The following NEMF variants were observed in gnomAD, a reference collection of about 807,000 sequenced individuals.
The protein encoded by NEMF is nuclear export mediator factor.
Under a neutral mutation model 162.2 loss-of-function variants are expected in NEMF, and 89 were observed. The ratio of observed to expected loss-of-function variants is 0.55; its 90% CI spans 0.46 to 0.65. The LOEUF is 0.65. Ranked by LOEUF, NEMF falls within the 30% of genes least tolerant of loss-of-function variation. NEMF has a pLI of 0.00. For synonymous variants in NEMF, 421 were observed against 404.5 expected, an observed-to-expected ratio of 1.04 and a Z score of -0.49; for missense variants, 1,133 against 1,261.9, an observed-to-expected ratio of 0.90 and a Z score of 1.55.
intron 16 of NEMF, 143 bp downstream of exon 16, chr14:49,825,724 C>G: frequency 1.7e-6 from 1 of 588,778 alleles, no homozygotes; most frequent in Middle Eastern, 3.3e-4. Context: ...TGACAGAGAA[C>G]CTGTCTCAAA....
chr14:49,791,074 G>T (rs1037445429), intron 26 of NEMF, among the ~76,000 whole-genome samples: 1 of 150,912 alleles, frequency 6.6e-6, no homozygotes, highest in Non-Finnish European at 1.5e-5. Flanking sequence ...AGTGGCTCAC[G>T]CCTGTAATCC....
intron 16 of NEMF, among the ~76,000 whole-genome samples, chr14:49,825,584 A>G (rs546600503): frequency 2.4e-4 from 36 of 152,246 alleles, no homozygotes; most frequent in South Asian, 1.9e-3. Flanking sequence ...AAAAATTAAA[A>G]AATTAGCTGG....
rs1889994959 is a variant in NEMF, at chr14:49,783,206, TC to T, written c.*1429del. ...ACCCTGAAGAATGGTTGCTACATTT[TC>T]TTTTCAGTAACTTCAGGATATGTAT... On this transcript the variant is annotated 3_prime_UTR_variant, in exon 33 of 33. Coordinates refer to ENST00000298310, the MANE Select transcript of NEMF (RefSeq NM_004713.6). The T allele has an allele frequency of 9.8e-6, 3 of 306,474 alleles. No homozygotes were observed. The South Asian group carries it at 3.0e-4, about 31-fold the overall frequency. The allele number at this position is 306,474 out of a possible 1,614,324, so 19.0% of individuals were successfully genotyped here.
chr14:49,802,452 C>A lies in NEMF; in HGVS notation c.2095+1G>T. The stretch of plus-strand genomic sequence containing the variant: ...CTAATTTCTTAAAATCTATAAACTA[C>A]CTAATTGTTCCATTTCTTCTGATAT... On this transcript the variant is annotated splice_donor_variant, in intron 22 of 32. Coordinates refer to ENST00000298310, the MANE Select transcript of NEMF (RefSeq NM_004713.6). LOFTEE classifies it high-confidence loss of function. 6.2e-7 allele frequency: 1 copy of A among 1,612,504 alleles called. No homozygotes were observed. The highest frequency in any genetic ancestry group is 8.5e-7 in the Non-Finnish European group (1 of 1,179,416).
intron 4 of NEMF, among the ~76,000 whole-genome samples, chr14:49,844,587 C>G (rs904073640): frequency 6.6e-6 from 1 of 152,112 alleles, no homozygotes; most frequent in Admixed American, 6.6e-5. Flanking sequence ...TTACTGCATA[C>G]TACTGTAGAC....
At chr14:49,848,385 T>C (rs118050805) in intron 3 of NEMF, among the ~76,000 whole-genome samples, 1,820 of 152,298 alleles carry the variant, frequency 0.012, 18 homozygotes, top group Admixed American at 0.016. Context: ...CCTACTCTTT[T>C]AGATTACATG....
rs1892664776 is a variant in NEMF at position 49,832,053 on chromosome 14, T to C, written c.880A>G (p.Lys294Glu). ...CPYIEFESFD[K>E]AVDEFYSKIE... ...AAGGAACAGAACGGAAAACCCACCT[T>C]GTCAAATGATTCAAATTCTATATAT... Residue 294 changes from lysine (K) to glutamate (E), a missense_variant and splice_region_variant, in exon 10 of 33, where the codon AAG becomes GAG. Coordinates refer to ENST00000298310, the MANE Select transcript of NEMF (RefSeq NM_004713.6). 1 of 1,596,644 alleles carries C rather than the reference T, an allele frequency of 6.3e-7. No homozygotes were observed. The highest frequency in any genetic ancestry group is 1.1e-5 in the South Asian group (1 of 87,790).
rs781544552 is a variant in NEMF, at chr14:49,829,382, G to A, written c.990C>T (p.His330=). ...LKKLDNVRKD[H]ENRLEALQQA... ...GCTGAAGAGCTTCCAATCTGTTTTCGTGATCCTTTCGAACATTATCTAATT... is the reference window on the plus strand; with the variant it reads ...GCTGAAGAGCTTCCAATCTGTTTTCATGATCCTTTCGAACATTATCTAATT... Residue 330 remains histidine, a synonymous_variant, in exon 12 of 33, where the codon CAC becomes CAT. Transcript: ENST00000298310. The A allele has an allele frequency of 3.1e-6, 5 of 1,613,968 alleles. No homozygotes were observed. Among genetic ancestry groups the A allele is most frequent in the South Asian group, 1.1e-5 (1 of 91,090 alleles).
chr14:49,782,623 T>G lies in NEMF; in HGVS notation c.*2013A>C. 1 of 1,553,478 alleles carries G rather than the reference T, an allele frequency of 6.4e-7. No homozygotes were observed. Among genetic ancestry groups the G allele is most frequent in the Non-Finnish European group, 8.8e-7 (1 of 1,139,214 alleles). On this transcript the variant is annotated 3_prime_UTR_variant, in exon 33 of 33. Transcript: ENST00000298310. ...AGTAACTTTGTACTTGGCACTTAGA[T>G]TATTTAAAATTGTGTTTCCTAAGAC...
chr14:49,822,081 T>C (rs1352709713), intron 16 of NEMF, among the ~76,000 whole-genome samples: 4 of 152,078 alleles, frequency 2.6e-5, no homozygotes, highest in South Asian at 4.1e-4. Flanking sequence ...CGGTGCAAGA[T>C]GTGCTTTGTT....
intron 10 of NEMF, 74 bp from the exon 11 acceptor site, chr14:49,831,435 ATTTT>A (rs11365862): frequency 2.6e-6 from 2 of 770,958 alleles, no homozygotes; most frequent in Non-Finnish European, 4.3e-6. Context: ...ACAGAATTTT[ATTTT>A]TTTTTTCTTT....
intron 5 of NEMF, among the ~76,000 whole-genome samples, chr14:49,840,454 T>A (rs1208164562): frequency 1.4e-5 from 1 of 69,680 alleles, no homozygotes; most frequent in African/African-American, 5.7e-5. Context: ...AGAGCGAGAC[T>A]CCATCTCAAA....
At chr14:49,837,145 A>T (rs1465203974) in intron 6 of NEMF, among the ~76,000 whole-genome samples, 1 of 152,072 alleles carries the variant, frequency 6.6e-6, no homozygotes, top group East Asian at 1.9e-4. Context: ...GCGTGGTGGC[A>T]TGAGCCTGTA....
chr14:49,851,551 T>C lies in NEMF; in HGVS notation c.231+12A>G. The C allele has an allele frequency of 6.3e-7, 1 of 1,584,418 alleles. No homozygotes were observed. Among genetic ancestry groups the C allele is most frequent in the Non-Finnish European group, 8.7e-7 (1 of 1,154,386 alleles). ...ATCTCTTAAAATTTAGCTTCAAGCG[T>C]AACAAGTTTACCTTCATGGCAAAAC... On this transcript the variant is annotated intron_variant, in intron 3 of 32. Transcript: ENST00000298310.
chr14:49,785,659 G>A lies in NEMF; in HGVS notation c.2929-339C>T, dbSNP rs557753802. The A allele has an allele frequency of 6.1e-5, 14 of 230,038 alleles. No individual in the cohort carries two copies. In the East Asian group the frequency reaches 7.4e-4, roughly 12 times the overall value. The allele number at this position is 230,038 out of a possible 1,614,324, so 14.2% of individuals were successfully genotyped here. ...GACTCTGGAAGGCTCAGGCTGAGGC[G>A]GGTGGATCGCTTGAGCCCAGGAGTT... On this transcript the variant is annotated intron_variant, in intron 29 of 32. Transcript: ENST00000298310.
intron 18 of NEMF, among the ~76,000 whole-genome samples, chr14:49,806,723 T>C (rs1378006411): frequency 2.0e-5 from 3 of 152,186 alleles, no homozygotes; most frequent in Non-Finnish European, 2.9e-5. Flanking sequence ...CTCACATCAA[T>C]AATTCTAACT....
intron 22 of NEMF, 115 bp downstream of exon 22, chr14:49,802,338 C>T (rs1191463164): frequency 2.8e-5 from 32 of 1,157,452 alleles, no homozygotes; most frequent in South Asian, 1.6e-4. Flanking sequence ...TTTGGGTTTT[C>T]GGGGTTTTTT....
chr14:49,849,838 G>A (rs1893684931), intron 3 of NEMF: 1 of 152,140 alleles, frequency 6.6e-6, no homozygotes, highest in African/African-American at 2.4e-5. Flanking sequence ...TTAAGGACAG[G>A]CCCCAAAAGA....
At chr14:49,836,190 A>G (rs1468404068) in intron 6 of NEMF, among the ~76,000 whole-genome samples, 1 of 152,100 alleles carries the variant, frequency 6.6e-6, no homozygotes, top group Non-Finnish European at 1.5e-5. Context: ...GAGGCAAGAC[A>G]ATCACTTGAA....
Sources: allele counts gnomAD v4.1 joint callset (sites outside exome capture counted in the v4.1 genomes callset), GRCh38; gene constraint gnomAD v4.1.1; transcripts MANE v1.5; gene names NCBI Gene and HGNC (gene_info 2026-07-23, HGNC 2026-07-21).